Variants in PPP2R5E observed in about 807,000 individuals in gnomAD.
The protein encoded by PPP2R5E is serine/threonine-protein phosphatase 2A 56 kDa regulatory subunit epsilon isoform.
In PPP2R5E, 4 loss-of-function variants were observed where a neutral mutation model predicts 65.3. The observed-to-expected ratio is 0.06, with a 90% confidence interval of 0.03 to 0.14. The LOEUF (loss-of-function observed/expected upper bound fraction) is 0.14, where lower values mean the gene tolerates loss of function less well. PPP2R5E is among the 10% of genes least tolerant of loss of function. The pLI, the probability that PPP2R5E is intolerant of heterozygous loss-of-function variation, is 1.00. For missense variants in PPP2R5E, 274 were observed against 556.1 expected (o/e 0.49, Z 5.10); for synonymous variants, 183 against 187.4 (o/e 0.98, Z 0.19).
At chr14:63,390,210 C>T (rs986961564) in intron 10 of PPP2R5E, among the ~76,000 whole-genome samples, 2 of 151,770 alleles carry the variant, frequency 1.3e-5, no homozygotes, top group African/African-American at 4.8e-5. Flanking sequence ...ATTAATACAA[C>T]AAAAAGTTCA....
intron 5 of PPP2R5E, among the ~76,000 whole-genome samples, chr14:63,406,954 G>A (rs979904171): frequency 1.3e-5 from 2 of 152,210 alleles, no homozygotes; most frequent in African/African-American, 4.8e-5. Flanking sequence ...TTCATGGACT[G>A]AAGCTATTAA....
intron 5 of PPP2R5E, among the ~76,000 whole-genome samples, chr14:63,406,365 C>T (rs942759720): frequency 1.0e-4 from 15 of 148,720 alleles, no homozygotes; most frequent in Admixed American, 8.1e-4. Context: ...GAGCCGAGAT[C>T]GAGCCACTGC....
At chr14:63,395,720 T>A (rs1414615500) in intron 6 of PPP2R5E, among the ~76,000 whole-genome samples, 1 of 2,318 alleles carries the variant, frequency 4.3e-4, no homozygotes, top group Non-Finnish European at 8.6e-4. Flanking sequence ...GAGGAGAGGG[T>A]GGAAGGGAGG....
At chr14:63,447,183 A>G (rs539206888) in intron 3 of PPP2R5E, among the ~76,000 whole-genome samples, 1 of 152,312 alleles carries the variant, frequency 6.6e-6, no homozygotes, top group South Asian at 2.1e-4. Flanking sequence ...GCCTGGCCCA[A>G]GCTTTGGCAC....
chr14:63,455,448 T>C (rs566264650), intron 2 of PPP2R5E, among the ~76,000 whole-genome samples: 81 of 152,324 alleles, frequency 5.3e-4, no homozygotes, highest in African/African-American at 1.9e-3. Context: ...AAAACAAGTA[T>C]TGAATTTAGA....
intron 5 of PPP2R5E, among the ~76,000 whole-genome samples, chr14:63,405,896 A>G (rs1331795252): frequency 6.6e-6 from 1 of 152,202 alleles, no homozygotes; most frequent in East Asian, 1.9e-4. Context: ...CAACATTACC[A>G]CAGACAAAAG....
intron 10 of PPP2R5E, among the ~76,000 whole-genome samples, chr14:63,390,384 G>A (rs1365284586): frequency 6.6e-6 from 1 of 151,880 alleles, no homozygotes; most frequent in Non-Finnish European, 1.5e-5. Context: ...AGCACCGGGT[G>A]CCGCAAGAAA....
rs889836511 is a variant in PPP2R5E, at chr14:63,375,838, C to T, written c.*171G>A. Reference sequence around the variant, plus strand: ...ACTGTCCAAACTTTGGATTGAAGTCCTTATTTTGTTTTTTCCTTTACTTAG... The same window carrying T: ...ACTGTCCAAACTTTGGATTGAAGTCTTTATTTTGTTTTTTCCTTTACTTAG... On this transcript the variant is annotated 3_prime_UTR_variant, in exon 14 of 14. Coordinates refer to ENST00000337537, the MANE Select transcript of PPP2R5E (RefSeq NM_006246.5). The T allele has an allele frequency of 1.0e-4, 44 of 421,622 alleles. No homozygotes were observed. Among genetic ancestry groups the T allele is most frequent in the Non-Finnish European group, 1.7e-4 (40 of 239,544 alleles). The allele number at this position is 421,622 out of a possible 1,614,324, so 26.1% of individuals were successfully genotyped here.
intron 5 of PPP2R5E, among the ~76,000 whole-genome samples, chr14:63,399,366 C>CTTTCTTTTTT (rs1885604828): frequency 2.3e-4 from 11 of 48,504 alleles, no homozygotes; most frequent in Non-Finnish European, 3.6e-4. Flanking sequence ...GGATTTCTTT[C>CTTTCTTTTTT]TTTTTTTTTT....
chr14:63,401,158 G>A lies in PPP2R5E; in HGVS notation c.550-4442C>T, dbSNP rs911936180. 2.0e-5 allele frequency among the ~76,000 whole-genome samples: 3 copies of A among 152,170 alleles called. No individual in the cohort carries two copies. The East Asian group carries it at 5.8e-4, about 29-fold the overall frequency. ...TATTAAACTATTTTTCTGCTTCTCT[G>A]TAGAGAACATGCTTTTGATGATTTT... On this transcript the variant is annotated intron_variant, in intron 5 of 13. Transcript: ENST00000337537.
At chr14:63,433,656 C>T (rs1887808656) in intron 3 of PPP2R5E, among the ~76,000 whole-genome samples, 1 of 151,950 alleles carries the variant, frequency 6.6e-6, no homozygotes, top group South Asian at 2.1e-4. Flanking sequence ...CAGATTCCCT[C>T]TAGTTTAGCC....
chr14:63,391,729 A>T (rs951786896), intron 10 of PPP2R5E, 88 bp downstream of exon 10: 1 of 1,417,506 alleles, frequency 7.1e-7, no homozygotes, highest in Non-Finnish European at 9.9e-7. Context: ...AGCCCTGATG[A>T]TGCGGTTTTA....
intron 2 of PPP2R5E, among the ~76,000 whole-genome samples, chr14:63,482,297 T>C (rs1340623481): frequency 6.6e-6 from 1 of 152,096 alleles, no homozygotes. Flanking sequence ...CCGTCTCTAC[T>C]AAAAATACAA....
At chr14:63,382,760 T>C (rs1317418325) in intron 12 of PPP2R5E, among the ~76,000 whole-genome samples, 2 of 152,156 alleles carry the variant, frequency 1.3e-5, no homozygotes, top group African/African-American at 4.8e-5. Context: ...ATAATTTCAT[T>C]TAATAAAAAG....
At position 63,372,695 on chromosome 14, in the gene PPP2R5E, T is replaced by C. The variant is rs972201547; in HGVS notation, c.*3314A>G. On this transcript the variant is annotated 3_prime_UTR_variant, in exon 14 of 14. Coordinates refer to ENST00000337537, the MANE Select transcript of PPP2R5E (RefSeq NM_006246.5). The stretch of plus-strand genomic sequence containing the variant: ...AAAAATAAAAAAGCTTTTAAAGCTC[T>C]AAATATACTTTTTTTGTTTCTTTCC... The C allele has an allele frequency of 2.0e-5, 3 of 152,160 alleles. No homozygotes were observed. Among genetic ancestry groups the C allele is most frequent in the Non-Finnish European group, 4.4e-5 (3 of 68,024 alleles). The allele number at this position is 152,160 out of a possible 1,614,324, so 9.4% of individuals were successfully genotyped here. A position where few individuals can be genotyped will look rare whatever the true frequency, so the allele number is the denominator to read the frequency against.
At chr14:63,485,575 C>T (rs1890945803) in intron 2 of PPP2R5E, among the ~76,000 whole-genome samples, 1 of 151,848 alleles carries the variant, frequency 6.6e-6, no homozygotes. Context: ...CCACCACGTC[C>T]GGCTAATTTT....
chr14:63,427,479 C>T (rs1887401716), intron 3 of PPP2R5E, among the ~76,000 whole-genome samples: 1 of 151,914 alleles, frequency 6.6e-6, no homozygotes, highest in South Asian at 2.1e-4. Flanking sequence ...TTAGAATACA[C>T]ATCGGATGTT....
chr14:63,502,340 A>T (rs1891930576), intron 2 of PPP2R5E, among the ~76,000 whole-genome samples: 1 of 151,958 alleles, frequency 6.6e-6, no homozygotes, highest in Non-Finnish European at 1.5e-5. Context: ...CCTGCTCAAC[A>T]CCTCACTTGC....
chr14:63,412,318 G>C lies in PPP2R5E; in HGVS notation c.549+2822C>G, dbSNP rs183553371. Among the ~76,000 whole-genome samples the C allele has an allele frequency of 8.3e-4, 127 of 152,302 alleles. No individual in the cohort carries two copies. In the Middle Eastern group the frequency reaches 0.017, roughly 20 times the overall value. ...AGAAACATGCAGCAATATGCAGAAAGCTCAATTAGAAGCCAGCTATAACCA... is the reference window on the plus strand; with the variant it reads ...AGAAACATGCAGCAATATGCAGAAACCTCAATTAGAAGCCAGCTATAACCA... On this transcript the variant is annotated intron_variant, in intron 5 of 13. Transcript: ENST00000337537.
Sources: gnomAD v4.1 joint callset for allele counts (sites outside exome capture counted in the v4.1 genomes callset) on GRCh38, gnomAD v4.1.1 for gene constraint, MANE v1.5 for transcripts, NCBI Gene and HGNC (gene_info 2026-07-23, HGNC 2026-07-21) for gene names.